TBL1XR1: variants seen among roughly 807,000 people sequenced by gnomAD.
The protein encoded by TBL1XR1 is TBL1X/Y related 1.
In TBL1XR1, 5 loss-of-function variants were observed where a neutral mutation model predicts 66.9. The observed-to-expected ratio is 0.07, with a 90% CI of 0.04 to 0.16. The LOEUF (loss-of-function observed/expected upper bound fraction) is 0.16, where lower values mean the gene tolerates loss of function less well. Ranked by LOEUF, TBL1XR1 falls within the 10% of genes least tolerant of loss-of-function variation. TBL1XR1 has a pLI of 1.00. For synonymous variants in TBL1XR1, 210 were observed against 206.0 expected (o/e 1.02, Z -0.17); for missense variants, 238 against 623.2 (o/e 0.38, Z 6.58).
chr3:177,149,744 G>A (rs1009567605), intron 1 of TBL1XR1, among the ~76,000 whole-genome samples: 1 of 152,108 alleles, frequency 6.6e-6, no homozygotes, highest in Admixed American at 6.6e-5. Context: ...CAACGCGACT[G>A]TGAAAATCAT....
At chr3:177,033,308 A>C (rs1336862971) in intron 13 of TBL1XR1, among the ~76,000 whole-genome samples, 172 bp from the exon 14 acceptor site, 1 of 152,234 alleles carries the variant, frequency 6.6e-6, no homozygotes, top group Non-Finnish European at 1.5e-5. Flanking sequence ...CAGTGACAAG[A>C]AAATAATAAA....
intron 1 of TBL1XR1, among the ~76,000 whole-genome samples, chr3:177,154,160 C>G (rs1298302270): frequency 6.6e-6 from 1 of 151,962 alleles, no homozygotes; most frequent in Non-Finnish European, 1.5e-5. Context: ...CCCATGTTAA[C>G]TATGAAAACA....
At chr3:177,123,956 C>A (rs925697906) in intron 1 of TBL1XR1, among the ~76,000 whole-genome samples, 5 of 152,038 alleles carry the variant, frequency 3.3e-5, no homozygotes, top group Non-Finnish European at 7.4e-5. Context: ...AATCTACAAA[C>A]CACAACAATG....
At chr3:177,171,656 T>C (rs563174721) in intron 1 of TBL1XR1, among the ~76,000 whole-genome samples, 80 of 122,238 alleles carry the variant, frequency 6.5e-4, no homozygotes, top group African/African-American at 2.4e-3. Flanking sequence ...TAAGCCAAGA[T>C]CGCCCCACTG....
At position 177,162,180 on chromosome 3, in the gene TBL1XR1, A is replaced by AT. The variant is rs1491544580; in HGVS notation, c.-122+34940dup. Among the ~76,000 whole-genome samples the AT allele has an allele frequency of 2.6e-5, 4 of 152,232 alleles. 1 individual carries two copies. Among genetic ancestry groups the AT allele is most frequent in the East Asian group, 1.9e-4 (1 of 5,200 alleles). On this transcript the variant is annotated intron_variant, in intron 1 of 15. Transcript: ENST00000457928. ...AATAGCGCAATGTTGAAAACGCCACATATCTGTCCAAAGAGTAAAATAGAT... is the reference window on the plus strand; with the variant it reads ...AATAGCGCAATGTTGAAAACGCCACATTATCTGTCCAAAGAGTAAAATAGAT...
chr3:177,091,632 A>T (rs780183278), intron 2 of TBL1XR1, among the ~76,000 whole-genome samples: 6 of 152,202 alleles, frequency 3.9e-5, no homozygotes, highest in Non-Finnish European at 7.3e-5. Context: ...GAATGACATC[A>T]ATAAGAATAC....
In TBL1XR1 at chr3:177,197,160, G is replaced by GA. The variant is rs1009239766; in HGVS notation, c.-162dup. 5 of 153,738 alleles carry GA rather than the reference G, an allele frequency of 3.3e-5. No homozygotes were observed. Among genetic ancestry groups the GA allele is most frequent in the African/African-American group, 1.2e-4 (5 of 41,384 alleles). 9.5% of individuals were successfully genotyped at this position (153,738 alleles called of 1,614,324 possible). A position where few individuals can be genotyped will look rare whatever the true frequency, so the allele number is the denominator to read the frequency against. On this transcript the variant is annotated 5_prime_UTR_variant, in exon 1 of 16. Coordinates refer to ENST00000457928, the MANE Select transcript of TBL1XR1 (RefSeq NM_024665.7). Reference sequence around the variant, plus strand: ...CTCCAACGCCGCTCCCCCCTCCCGGGAATGGAGGCACAAGGAAATTCCCCT... The same window carrying GA: ...CTCCAACGCCGCTCCCCCCTCCCGGGAAATGGAGGCACAAGGAAATTCCCCT...
Position 177,193,179 on chromosome 3 carries a change from A to C in TBL1XR1, c.-122+3942T>G, listed in dbSNP as rs1486130827. On this transcript the variant is annotated intron_variant, in intron 1 of 15. Transcript: ENST00000457928. ...AAAAAATAAAATAAAATAAAATTTTAAAAAATAAATAAAACGTATGAGGAG... is the reference window on the plus strand; with the variant it reads ...AAAAAATAAAATAAAATAAAATTTTCAAAAATAAATAAAACGTATGAGGAG... Among the ~76,000 whole-genome samples the C allele has an allele frequency of 2.6e-5, 4 of 152,064 alleles. No homozygotes were observed. The South Asian group carries it at 8.3e-4, about 31-fold the overall frequency.
At chr3:177,103,933 T>C (rs1177209874) in intron 1 of TBL1XR1, among the ~76,000 whole-genome samples, 2 of 152,096 alleles carry the variant, frequency 1.3e-5, no homozygotes, top group African/African-American at 4.8e-5. Context: ...CTGGCAAACA[T>C]GGAGAAACCT....
intron 1 of TBL1XR1, among the ~76,000 whole-genome samples, chr3:177,162,256 G>C (rs1732304748): frequency 6.6e-6 from 1 of 152,150 alleles, no homozygotes. Context: ...ACTACTGCTT[G>C]ATACAATAAA....
chr3:177,175,875 G>A (rs954304313), intron 1 of TBL1XR1, among the ~76,000 whole-genome samples: 1 of 151,790 alleles, frequency 6.6e-6, no homozygotes, highest in Non-Finnish European at 1.5e-5. Context: ...TGACTAACAC[G>A]GTGAAACCCC....
chr3:177,093,857 A>G (rs564865240), intron 2 of TBL1XR1, among the ~76,000 whole-genome samples: 1 of 152,332 alleles, frequency 6.6e-6, no homozygotes, highest in Non-Finnish European at 1.5e-5. Flanking sequence ...TAACACCTGA[A>G]ACCATAAGAA....
chr3:177,105,049 G>A (rs975089079), intron 1 of TBL1XR1, among the ~76,000 whole-genome samples: 3 of 152,026 alleles, frequency 2.0e-5, no homozygotes, highest in Admixed American at 6.6e-5. Context: ...AAAAGCTTCC[G>A]GTTCACAAAC....
chr3:177,190,133 CAAAAA>C (rs548783302), intron 1 of TBL1XR1, among the ~76,000 whole-genome samples: 5 of 69,394 alleles, frequency 7.2e-5, no homozygotes, highest in Non-Finnish European at 1.0e-4. Context: ...AACTCCATCT[CAAAAA>C]AAAAAAAAAA....
At chr3:177,036,422 C>T (rs1714793800) in intron 12 of TBL1XR1, among the ~76,000 whole-genome samples, 2 of 152,200 alleles carry the variant, frequency 1.3e-5, no homozygotes, top group Non-Finnish European at 2.9e-5. Context: ...TCCATCCATC[C>T]TAGTTTTTGC....
chr3:177,158,159 G>GGAAAAC (rs1731735753), intron 1 of TBL1XR1, among the ~76,000 whole-genome samples: 1 of 85,192 alleles, frequency 1.2e-5, no homozygotes, highest in Non-Finnish European at 2.4e-5. Context: ...AAAATAAAAA[G>GGAAAAC]TAAAACAAAA....
intron 7 of TBL1XR1, chr3:177,047,818 T>C (rs1377993407): frequency 5.0e-6 from 2 of 399,152 alleles, no homozygotes; most frequent in East Asian, 4.0e-5. Flanking sequence ...CCCCACCTCA[T>C]GCATGCCAAA....
chr3:177,126,506 A>G (rs930632593), intron 1 of TBL1XR1, among the ~76,000 whole-genome samples: 6 of 152,224 alleles, frequency 3.9e-5, no homozygotes, highest in African/African-American at 1.4e-4. Context: ...TAATATGTCC[A>G]TAAGATGCCT....
intron 1 of TBL1XR1, among the ~76,000 whole-genome samples, chr3:177,122,812 T>C (rs1475455339): frequency 6.6e-6 from 1 of 152,116 alleles, no homozygotes; most frequent in Non-Finnish European, 1.5e-5. Context: ...CATCCACAAA[T>C]ACCAAACAAT....
Sources: allele counts gnomAD v4.1 joint callset (sites outside exome capture counted in the v4.1 genomes callset), GRCh38; gene constraint gnomAD v4.1.1; transcripts MANE v1.5; gene names NCBI Gene and HGNC (gene_info 2026-07-23, HGNC 2026-07-21).